The following CRIM1 variants were observed in gnomAD, a reference collection of about 807,000 sequenced individuals.
CRIM1 encodes cysteine rich transmembrane BMP regulator 1.
A neutral mutation model predicts 116.4 loss-of-function variants in CRIM1; 32 were observed. That is an observed-to-expected ratio of 0.27 (90% confidence interval 0.21 to 0.37). The LOEUF (loss-of-function observed/expected upper bound fraction) is 0.37. CRIM1 is among the 10% of genes least tolerant of loss of function. The probability of loss-of-function intolerance (pLI) is 1.00; values close to 1 mark genes in which losing one functional copy is unlikely to be tolerated. For synonymous variants in CRIM1, 590 were observed against 509.2 expected, an observed-to-expected ratio of 1.16 and a Z score of -2.13; for missense variants, 1,331 against 1,354.8, an observed-to-expected ratio of 0.98 and a Z score of 0.28.
chr2:36,462,671 G>C (rs1472933164), intron 4 of CRIM1, among the ~76,000 whole-genome samples: 1 of 152,068 alleles, frequency 6.6e-6, no homozygotes, highest in Non-Finnish European at 1.5e-5. Flanking sequence ...AGCTATTCTT[G>C]CGGGATGCTT....
rs1264351882 is a variant in CRIM1 at position 36,522,320 on chromosome 2, C to T, written c.2428+7C>T. 1 of 1,595,988 alleles carries T rather than the reference C, an allele frequency of 6.3e-7. No individual in the cohort carries two copies. The highest frequency in any genetic ancestry group is 1.7e-4 in the Middle Eastern group (1 of 6,016). On this transcript the variant is annotated splice_region_variant and intron_variant, in intron 13 of 16. Coordinates refer to ENST00000280527, the MANE Select transcript of CRIM1 (RefSeq NM_016441.3). ...TGTTGTCCCTACTGCATAGGTAAGA[C>T]CAAGGAAAAAAAAATCCCTCATCTC...
intron 12 of CRIM1, among the ~76,000 whole-genome samples, chr2:36,519,213 G>A (rs1665220115): frequency 6.6e-6 from 1 of 152,156 alleles, no homozygotes. Context: ...GAACTCAGAG[G>A]TTCCACCCAT....
At chr2:36,534,198 G>A (rs1666327086) in intron 13 of CRIM1, among the ~76,000 whole-genome samples, 1 of 130,930 alleles carries the variant, frequency 7.6e-6, no homozygotes, top group Admixed American at 7.7e-5. Flanking sequence ...AGGAAGGAGG[G>A]AGAAAAGGAT....
intron 7 of CRIM1, among the ~76,000 whole-genome samples, chr2:36,488,295 G>A (rs1679980197): frequency 2.0e-5 from 3 of 152,202 alleles, no homozygotes; most frequent in Admixed American, 6.5e-5. Context: ...GTCCATTAAA[G>A]AACGCCTCTT....
chr2:36,420,415 G>A (rs1673962928), intron 2 of CRIM1, among the ~76,000 whole-genome samples: 1 of 152,118 alleles, frequency 6.6e-6, no homozygotes, highest in Non-Finnish European at 1.5e-5. Context: ...AACCCAGATG[G>A]TTTCATTCTG....
intron 2 of CRIM1, among the ~76,000 whole-genome samples, chr2:36,420,791 A>G (rs1037507130): frequency 1.3e-5 from 2 of 152,190 alleles, no homozygotes; most frequent in Admixed American, 6.5e-5. Context: ...GTGCTGCCAT[A>G]GCAGAACAGA....
At chr2:36,528,216 G>A (rs985252371) in intron 13 of CRIM1, among the ~76,000 whole-genome samples, 128 of 152,250 alleles carry the variant, frequency 8.4e-4, no homozygotes, top group African/African-American at 2.7e-3. Flanking sequence ...TGTAGCGTCT[G>A]GCTTTCTACA....
intron 2 of CRIM1, among the ~76,000 whole-genome samples, chr2:36,410,532 G>A (rs1233385709): frequency 6.6e-6 from 1 of 151,670 alleles, no homozygotes; most frequent in Non-Finnish European, 1.5e-5. Context: ...TTTTCACCCA[G>A]TTTAGAAAGT....
chr2:36,471,761 C>CACACACACACACA lies in CRIM1; in HGVS notation c.992-5127_992-5126insCACACACACACAA, dbSNP rs72156127. ...CACACACACACACACACACACACAC[C>CACACACACACACA]ATCTTACAATGTTTTAAGAAAGTTT... On this transcript the variant is annotated intron_variant, in intron 5 of 16. Transcript: ENST00000280527. Among the ~76,000 whole-genome samples, 695 of 128,658 alleles carry CACACACACACACA rather than the reference C, an allele frequency of 5.4e-3. 4 individuals are homozygous for CACACACACACACA. The highest frequency in any genetic ancestry group is 0.013 in the African/African-American group (475 of 35,590). The allele number at this position is 128,658 out of a possible 152,430, so 84.4% of individuals were successfully genotyped here.
chr2:36,501,177 G>A (rs538048146), intron 8 of CRIM1, among the ~76,000 whole-genome samples: 39 of 152,068 alleles, frequency 2.6e-4, no homozygotes, highest in Non-Finnish European at 5.0e-4. Flanking sequence ...TGTAATAAGC[G>A]GGCTTTCTGT....
At chr2:36,488,889 C>A (rs1312197590) in intron 7 of CRIM1, among the ~76,000 whole-genome samples, 1 of 152,172 alleles carries the variant, frequency 6.6e-6, no homozygotes, top group Admixed American at 6.5e-5. Context: ...GTGGACCCTG[C>A]AAATCATGTA....
intron 2 of CRIM1, among the ~76,000 whole-genome samples, chr2:36,439,863 A>C (rs1053832897): frequency 6.6e-5 from 10 of 152,058 alleles, no homozygotes; most frequent in Admixed American, 5.9e-4. Flanking sequence ...GTCATCCTCC[A>C]CCACCATATC....
chr2:36,435,131 C>T (rs752976981), intron 2 of CRIM1, among the ~76,000 whole-genome samples: 8 of 152,108 alleles, frequency 5.3e-5, no homozygotes, highest in Admixed American at 1.3e-4. Context: ...GCTGATACCA[C>T]GGCTACTCTA....
chr2:36,377,348 C>A (rs1670403328), intron 1 of CRIM1, among the ~76,000 whole-genome samples: 1 of 152,206 alleles, frequency 6.6e-6, no homozygotes, highest in Non-Finnish European at 1.5e-5. Context: ...AAAACCTGCC[C>A]AGTAGAAATG....
In CRIM1 at chr2:36,516,327, CTCTT is replaced by C. The variant is rs565214888; in HGVS notation, c.1991-996_1991-993del. On this transcript the variant is annotated intron_variant, in intron 11 of 16. Coordinates refer to ENST00000280527, the MANE Select transcript of CRIM1 (RefSeq NM_016441.3). ...ATGAGCTAGCCGTGATGTCTCCAGA[CTCTT>C]TCTCGGCGGGATTCAACACTGTCAA... 1.1e-4 allele frequency among the ~76,000 whole-genome samples: 16 copies of C among 152,306 alleles called. 1 individual carries two copies. The South Asian group carries it at 3.3e-3, about 32-fold the overall frequency.
intron 2 of CRIM1, among the ~76,000 whole-genome samples, chr2:36,418,511 T>C (rs1413141187): frequency 6.6e-6 from 1 of 152,192 alleles, no homozygotes; most frequent in Non-Finnish European, 1.5e-5. Flanking sequence ...GGTCTTGAAC[T>C]CCTGGGCTCA....
intron 4 of CRIM1, among the ~76,000 whole-genome samples, chr2:36,457,018 C>G (rs1677189242): frequency 6.6e-6 from 1 of 152,118 alleles, no homozygotes; most frequent in Admixed American, 6.5e-5. Context: ...AACTTAGCAC[C>G]TTAAGATAAG....
At chr2:36,533,191 C>G (rs1666232776) in intron 13 of CRIM1, among the ~76,000 whole-genome samples, 1 of 152,056 alleles carries the variant, frequency 6.6e-6, no homozygotes, top group African/African-American at 2.4e-5. Context: ...GAATAGCTAC[C>G]ACATCTCCCT....
intron 1 of CRIM1, among the ~76,000 whole-genome samples, chr2:36,372,988 C>T (rs1670042877): frequency 1.3e-5 from 2 of 150,940 alleles, no homozygotes; most frequent in Non-Finnish European, 3.0e-5. Context: ...ATTTTTAAAA[C>T]TTTTATATGG....
Sources: allele counts gnomAD v4.1 joint callset (sites outside exome capture counted in the v4.1 genomes callset), GRCh38; gene constraint gnomAD v4.1.1; transcripts MANE v1.5; gene names NCBI Gene and HGNC (gene_info 2026-07-23, HGNC 2026-07-21).